The following CPN1 variants were observed in gnomAD, a reference collection of about 807,000 sequenced individuals.
CPN1 encodes the protein carboxypeptidase N subunit 1, also known as carboxypeptidase N catalytic chain.
A neutral mutation model predicts 46.4 loss-of-function variants in CPN1; 37 were observed. That is an observed-to-expected ratio of 0.80 (90% confidence interval 0.61 to 1.05). The LOEUF (loss-of-function observed/expected upper bound fraction) is 1.05. Among genes scored for constraint, CPN1 ranks in the 50% least tolerant of loss-of-function variants. CPN1 has a pLI of 0.00. For missense variants in CPN1, 563 were observed against 602.6 expected (o/e 0.93, Z 0.69); for synonymous variants, 224 against 235.4 (o/e 0.95, Z 0.44).
At chr10:100,065,071 C>A in intron 4 of CPN1, 117 bp downstream of exon 4, 1 of 1,227,904 alleles carries the variant, frequency 8.1e-7, no homozygotes, top group Non-Finnish European at 1.1e-6. Context: ...CACAAACAAG[C>A]GGTATTTTCA....
At position 100,054,435 on chromosome 10, in the gene CPN1, G is replaced by A. The variant is rs2041373473; in HGVS notation, c.1023C>T (p.Gly341=). ...TCTCATCAAGCACCATTCCCTTGAT[G>A]CCCTGGTGAACCTGCAGGAACAAGT... The part of the protein sequence containing the change: ...LIQFLEQVHQ[G]IKGMVLDENY... Residue 341 remains glycine, a synonymous_variant, in exon 7 of 9, where the codon GGC becomes GGT. Transcript: ENST00000370418. 14 of 1,613,510 alleles carry A rather than the reference G, an allele frequency of 8.7e-6. No individual in the cohort carries two copies. Among genetic ancestry groups the A allele is most frequent in the African/African-American group, 1.3e-5 (1 of 74,896 alleles).
intron 6 of CPN1, among the ~76,000 whole-genome samples, 192 bp from the exon 7 acceptor site, chr10:100,054,638 C>A (rs1053666061): frequency 6.6e-6 from 1 of 152,084 alleles, no homozygotes; most frequent in South Asian, 2.1e-4. Flanking sequence ...GTGGTCAGAG[C>A]GTTCCTGTTA....
Position 100,080,369 on chromosome 10 carries a change from C to T in CPN1, c.223+1034G>A, listed in dbSNP as rs577783956. The stretch of plus-strand genomic sequence containing the variant: ...TGCACTTATAGACATGGATGCTATC[C>T]ATAACAGATTGTGAAATGAGAAGGG... On this transcript the variant is annotated intron_variant, in intron 1 of 8. Coordinates refer to ENST00000370418, the MANE Select transcript of CPN1 (RefSeq NM_001308.3). Among the ~76,000 whole-genome samples, 13 of 151,892 alleles carry T rather than the reference C, an allele frequency of 8.6e-5. No homozygotes were observed. In the South Asian group the frequency reaches 2.7e-3, roughly 32 times the overall value.
chr10:100,042,441 T>A lies in CPN1; in HGVS notation c.1363A>T (p.Arg455Ter). The A allele has an allele frequency of 6.2e-7, 1 of 1,613,356 alleles. No individual in the cohort carries two copies. Among genetic ancestry groups the A allele is most frequent in the South Asian group, 1.1e-5 (1 of 91,054 alleles). ...CACTGTGGGTTTCAGGCAGGGCCTC[T>A]CTGCAGCTGCCTCATCTCCATTTCT... Reference protein sequence around the residue: ...KKEMEMRQLQRGPA With the variant: ...KKEMEMRQLQ The change falls in exon 9 of 9, where the codon AGA becomes TGA. Residue 455 changes from arginine (R) to a stop codon, truncating the protein, a stop_gained. Transcript: ENST00000370418. LOFTEE classifies it high-confidence loss of function.
chr10:100,067,308 G>T (rs1267147417), intron 3 of CPN1, among the ~76,000 whole-genome samples: 1 of 152,104 alleles, frequency 6.6e-6, no homozygotes, highest in Non-Finnish European at 1.5e-5. Context: ...GTAGGATGGG[G>T]TTTCACCATG....
At chr10:100,046,045 C>T (rs889907320) in intron 8 of CPN1, among the ~76,000 whole-genome samples, 1 of 152,146 alleles carries the variant, frequency 6.6e-6, no homozygotes, top group Non-Finnish European at 1.5e-5. Context: ...CTTAATACAA[C>T]CAAAACTGAA....
intron 8 of CPN1, among the ~76,000 whole-genome samples, chr10:100,045,148 C>T (rs1373363516): frequency 6.6e-6 from 1 of 152,118 alleles, no homozygotes; most frequent in African/African-American, 2.4e-5. Context: ...TGACAGACAT[C>T]TTTTCTCCTC....
intron 7 of CPN1, 36 bp from the exon 8 acceptor site, chr10:100,048,912 T>G: frequency 6.6e-7 from 1 of 1,514,564 alleles, no homozygotes; most frequent in Non-Finnish European, 9.2e-7. Flanking sequence ...GTCTACTGAT[T>G]AAAAATCTGT....
At chr10:100,042,637 T>C in intron 8 of CPN1, 64 bp from the exon 9 acceptor site, 1 of 1,602,708 alleles carries the variant, frequency 6.2e-7, no homozygotes, top group Non-Finnish European at 8.5e-7. Flanking sequence ...AGTTCCAGTT[T>C]CTGAGGGCTG....
At chr10:100,080,247 G>T (rs1269266366) in intron 1 of CPN1, among the ~76,000 whole-genome samples, 1 of 152,114 alleles carries the variant, frequency 6.6e-6, no homozygotes, top group Non-Finnish European at 1.5e-5. Flanking sequence ...AAAGAAGTGA[G>T]AAATTAGAAA....
chr10:100,076,328 C>T (rs920306085), intron 1 of CPN1, among the ~76,000 whole-genome samples: 3 of 152,158 alleles, frequency 2.0e-5, no homozygotes, highest in Non-Finnish European at 4.4e-5. Context: ...ATTGAACCCC[C>T]ATAGTGTACT....
At chr10:100,065,110 G>A (rs1022657410) in intron 4 of CPN1, 78 bp downstream of exon 4, 1 of 1,513,764 alleles carries the variant, frequency 6.6e-7, no homozygotes, top group African/African-American at 1.4e-5. Flanking sequence ...GCACTGAAAA[G>A]GGTTCTGTGT....
Position 100,057,075 on chromosome 10 carries a change from CG to C in CPN1, c.948del (p.Glu317LysfsTer15), listed in dbSNP as rs1564772591. 16 of 1,613,970 alleles carry C rather than the reference CG, an allele frequency of 9.9e-6. No individual in the cohort carries two copies. The highest frequency in any genetic ancestry group is 1.3e-5 in the African/African-American group (1 of 74,898). On this transcript the variant is annotated frameshift_variant, in exon 6 of 9. Coordinates refer to ENST00000370418, the MANE Select transcript of CPN1 (RefSeq NM_001308.3). LOFTEE classifies it high-confidence loss of function. ...AGCCACTCCCGCTGTAACTCCTCTTCGGGGGGAAACTTGTCGCAACTCAGTT... is the reference window on the plus strand; with the variant it reads ...AGCCACTCCCGCTGTAACTCCTCTTCGGGGGAAACTTGTCGCAACTCAGTT... Reference protein sequence around the residue: ...TLELSCDKFPPEEELQREWLG... With the variant: ...TLELSCDKFPXEEELQREWLG...
intron 2 of CPN1, among the ~76,000 whole-genome samples, chr10:100,075,244 C>T (rs989744017): frequency 3.9e-5 from 6 of 152,118 alleles, no homozygotes; most frequent in Non-Finnish European, 8.8e-5. Context: ...GAGCCGAGAT[C>T]GCACCACTGC....
rs1342646002 is a variant in CPN1 at position 100,042,477 on chromosome 10, C to T, written c.1327G>A (p.Ala443Thr). 2 of 1,613,800 alleles carry T rather than the reference C, an allele frequency of 1.2e-6. No homozygotes were observed. The highest frequency in any genetic ancestry group is 2.7e-5 in the African/African-American group (2 of 74,874). ...CTCATCTCCATTTCTTTCTTTCTGG[C>T]TTGGGGCTGCACTTTGGCTCTGACT... ...HGVRAKVQPQ[A>T]RKKEMEMRQL... The change falls in exon 9 of 9, where the codon GCC (alanine) becomes ACC (threonine). Residue 443 changes from alanine to threonine, a missense_variant. Coordinates refer to ENST00000370418, the MANE Select transcript of CPN1 (RefSeq NM_001308.3).
chr10:100,071,848 T>C (rs1192379678), intron 2 of CPN1, among the ~76,000 whole-genome samples: 1 of 152,214 alleles, frequency 6.6e-6, no homozygotes, highest in South Asian at 2.1e-4. Flanking sequence ...TGCCATTTTA[T>C]ATAAGGGACT....
At chr10:100,043,861 T>C (rs1237063174) in intron 8 of CPN1, among the ~76,000 whole-genome samples, 3 of 152,074 alleles carry the variant, frequency 2.0e-5, no homozygotes, top group African/African-American at 7.2e-5. Context: ...TTTCAAGCAC[T>C]ACATTGCAAC....
chr10:100,057,452 A>G (rs772869763), intron 5 of CPN1, among the ~76,000 whole-genome samples: 1 of 152,142 alleles, frequency 6.6e-6, no homozygotes, highest in East Asian at 1.9e-4. Context: ...AATCAGGGAA[A>G]TTAGTATAAG....
At chr10:100,075,228 C>T (rs115622576) in intron 2 of CPN1, among the ~76,000 whole-genome samples, 6,797 of 152,120 alleles carry the variant, frequency 0.045, 199 homozygotes, top group African/African-American at 0.082. Flanking sequence ...AGGCAGAAAT[C>T]GCAGTGAGCC....
Sources: gnomAD v4.1 joint callset for allele counts (sites outside exome capture counted in the v4.1 genomes callset) on GRCh38, gnomAD v4.1.1 for gene constraint, MANE v1.5 for transcripts, NCBI Gene and HGNC (gene_info 2026-07-23, HGNC 2026-07-21) for gene names.